Variants in GPR149 observed in about 807,000 individuals in gnomAD.
The protein encoded by GPR149 is G protein-coupled receptor 149.
A neutral mutation model predicts 50.2 loss-of-function variants in GPR149; 50 were observed. That is an observed-to-expected ratio of 1.00 (90% CI 0.79 to 1.26). The LOEUF is 1.26. Among genes scored for constraint, GPR149 ranks in the 50% most tolerant of loss-of-function variants. The probability of loss-of-function intolerance (pLI) is 0.00; values close to 1 mark genes in which losing one functional copy is unlikely to be tolerated. For synonymous variants in GPR149, 405 were observed against 358.2 expected (o/e 1.13, Z -1.48); for missense variants, 983 against 895.4 (o/e 1.10, Z -1.25).
chr3:154,387,770 G>A (rs560260106), intron 3 of GPR149, among the ~76,000 whole-genome samples: 30 of 151,990 alleles, frequency 2.0e-4, no homozygotes, highest in East Asian at 1.9e-3. Context: ...AGCAAGCTCC[G>A]GGCACTCTCC....
intron 3 of GPR149, chr3:154,353,883 G>A (rs910890484): frequency 3.5e-6 from 2 of 575,624 alleles, no homozygotes; most frequent in Non-Finnish European, 6.4e-6. Context: ...TGTTTCAGAA[G>A]CTTTACAGTC....
chr3:154,340,033 C>T (rs559417480), intron 3 of GPR149, among the ~76,000 whole-genome samples: 9 of 152,008 alleles, frequency 5.9e-5, no homozygotes, highest in Admixed American at 2.0e-4. Context: ...ACCTTGTGAT[C>T]CTCCCGCCTC....
chr3:154,429,416 A>G lies in GPR149; in HGVS notation c.200T>C (p.Val67Ala), dbSNP rs762256799. Residue 67 changes from valine to alanine, a missense_variant, in exon 1 of 4, where the codon GTG becomes GCG. Val to Ala is a moderately conservative substitution (Grantham distance 64). Transcript: ENST00000389740. Reference sequence around the variant, plus strand: ...AGACCAGGAAGCCACAAGCATGGACACAACAGTTCTGTTCTGCATTTTCAG... The same window carrying G: ...AGACCAGGAAGCCACAAGCATGGACGCAACAGTTCTGTTCTGCATTTTCAG... Reference protein sequence around the residue: ...SLLKMQNRTVVSMLVASWSVD... With the variant: ...SLLKMQNRTVASMLVASWSVD... 6.2e-7 allele frequency: 1 copy of G among 1,614,228 alleles called. No individual in the cohort carries two copies. The highest frequency in any genetic ancestry group is 8.5e-7 in the Non-Finnish European group (1 of 1,180,042).
chr3:154,335,373 T>C lies in GPR149; in HGVS notation c.*2326A>G, dbSNP rs1471064881. 1 of 152,128 alleles carries C rather than the reference T, an allele frequency of 6.6e-6. No individual in the cohort carries two copies. 9.4% of individuals were successfully genotyped at this position (152,128 alleles called of 1,614,324 possible). A position where few individuals can be genotyped will look rare whatever the true frequency, so the allele number is the denominator to read the frequency against. On this transcript the variant is annotated 3_prime_UTR_variant, in exon 4 of 4. Coordinates refer to ENST00000389740, the MANE Select transcript of GPR149 (RefSeq NM_001038705.3). ...TATGTAGTTTAACCTTCTCCTCCCT[T>C]AACAAGGATTTGGAGCGTCATTCAT...
chr3:154,377,858 T>G (rs1254953648), intron 3 of GPR149, among the ~76,000 whole-genome samples: 2 of 152,234 alleles, frequency 1.3e-5, no homozygotes, highest in East Asian at 3.9e-4. Flanking sequence ...TTTAGTTAAT[T>G]CCTAGCTCCA....
chr3:154,383,585 C>T (rs958898377), intron 3 of GPR149, among the ~76,000 whole-genome samples: 2 of 152,080 alleles, frequency 1.3e-5, no homozygotes, highest in Non-Finnish European at 2.9e-5. Context: ...ATGGACACTT[C>T]CATGACAAAG....
chr3:154,429,143 C>T lies in GPR149; in HGVS notation c.473G>A (p.Trp158Ter), dbSNP rs1480011087. 1.9e-6 allele frequency: 3 copies of T among 1,613,536 alleles called. No homozygotes were observed. The highest frequency in any genetic ancestry group is 2.5e-6 in the Non-Finnish European group (3 of 1,179,898). Residue 158 changes from tryptophan (W) to a stop codon, truncating the protein, a stop_gained, in exon 1 of 4, where the codon TGG becomes TAG. Coordinates refer to ENST00000389740, the MANE Select transcript of GPR149 (RefSeq NM_001038705.3). LOFTEE classifies it high-confidence loss of function. ...CGCCGAGAGCAGCAGACTGGCTGCC[C>T]ACACGGTCAGCACCACGCCGAGCAC... Reference protein sequence around the residue: ...GQVLGVVLTVWAASLLLSALP... With the variant: ...GQVLGVVLTV
At chr3:154,412,824 A>C (rs1055033817) in intron 3 of GPR149, among the ~76,000 whole-genome samples, 3 of 152,120 alleles carry the variant, frequency 2.0e-5, no homozygotes, top group Non-Finnish European at 2.9e-5. Context: ...TGTATAACCA[A>C]AAAAGAGCCC....
At chr3:154,411,462 CAAGAA>C (rs1407037430) in intron 3 of GPR149, among the ~76,000 whole-genome samples, 4 of 151,804 alleles carry the variant, frequency 2.6e-5, no homozygotes, top group African/African-American at 7.3e-5. Flanking sequence ...CGAGATTTAT[CAAGAA>C]AAGAAGAGAG....
chr3:154,424,962 A>T (rs1452479777), intron 2 of GPR149, among the ~76,000 whole-genome samples: 1 of 151,880 alleles, frequency 6.6e-6, no homozygotes. Context: ...ACGTCATGTC[A>T]GGCAAACAAA....
intron 3 of GPR149, among the ~76,000 whole-genome samples, chr3:154,414,641 C>T (rs1711936583): frequency 6.6e-6 from 1 of 151,994 alleles, no homozygotes; most frequent in South Asian, 2.1e-4. Context: ...AAGTTCACAT[C>T]ACCATCATAA....
chr3:154,358,123 C>T (rs972391884), intron 3 of GPR149, among the ~76,000 whole-genome samples: 3 of 151,424 alleles, frequency 2.0e-5, no homozygotes, highest in Admixed American at 6.6e-5. Flanking sequence ...GGGAACATCA[C>T]ACACTGGGGC....
chr3:154,427,988 G>C lies in GPR149; in HGVS notation c.982-280C>G, dbSNP rs1712356118. Among the ~76,000 whole-genome samples the C allele has an allele frequency of 6.6e-5, 10 of 152,324 alleles. 1 individual carries two copies. The South Asian group carries it at 2.1e-3, about 32-fold the overall frequency. On this transcript the variant is annotated intron_variant, in intron 1 of 3. Coordinates refer to ENST00000389740, the MANE Select transcript of GPR149 (RefSeq NM_001038705.3). Reference sequence around the variant, plus strand: ...GAAAGGCACAGTCTACAACGTGGGGGACGCTAGCTAGGAAACAGGCGTCCG... The same window carrying C: ...GAAAGGCACAGTCTACAACGTGGGGCACGCTAGCTAGGAAACAGGCGTCCG...
intron 3 of GPR149, among the ~76,000 whole-genome samples, chr3:154,418,141 C>A (rs958462493): frequency 7.2e-6 from 1 of 139,826 alleles, no homozygotes; most frequent in Non-Finnish European, 1.5e-5. Flanking sequence ...GTTAGAATGG[C>A]AATCATTAAA....
chr3:154,351,339 A>T (rs927446541), intron 3 of GPR149, among the ~76,000 whole-genome samples: 7 of 149,382 alleles, frequency 4.7e-5, no homozygotes, highest in African/African-American at 1.2e-4. Flanking sequence ...AAAAAAAAAA[A>T]AAAAAATAAC....
intron 3 of GPR149, among the ~76,000 whole-genome samples, chr3:154,387,842 C>T (rs1576917548): frequency 6.6e-6 from 1 of 152,116 alleles, no homozygotes; most frequent in Non-Finnish European, 1.5e-5. Context: ...AACATTTTTA[C>T]TCTACCTATG....
chr3:154,353,625 T>C, intron 3 of GPR149: 1 of 1,340,440 alleles, frequency 7.5e-7, no homozygotes, highest in Non-Finnish European at 1.1e-6. Flanking sequence ...CATGCTGAGT[T>C]TCCTAGTTTT....
intron 3 of GPR149, among the ~76,000 whole-genome samples, chr3:154,342,870 G>A (rs1713829679): frequency 6.6e-6 from 1 of 152,140 alleles, no homozygotes; most frequent in Non-Finnish European, 1.5e-5. Flanking sequence ...TAAAAACTAC[G>A]TATACTTACC....
chr3:154,407,219 T>C (rs537503581), intron 3 of GPR149, among the ~76,000 whole-genome samples: 1 of 152,250 alleles, frequency 6.6e-6, no homozygotes, highest in South Asian at 2.1e-4. Context: ...GTTCTGATGC[T>C]TGAAAACCTG....
Sources: allele counts gnomAD v4.1 joint callset (sites outside exome capture counted in the v4.1 genomes callset), GRCh38; gene constraint gnomAD v4.1.1; transcripts MANE v1.5; gene names NCBI Gene and HGNC (gene_info 2026-07-23, HGNC 2026-07-21).